Variants in CTNNA2 observed in about 807,000 individuals in gnomAD.
The protein encoded by CTNNA2 is catenin alpha-2.
CTNNA2 carries 42 observed loss-of-function variants against 101.0 expected under a neutral mutation model. The observed-to-expected ratio is 0.42, with a 90% confidence interval of 0.32 to 0.54. The LOEUF is 0.54. CTNNA2 is among the 20% of genes least tolerant of loss of function. CTNNA2 has a pLI of 0.14. For missense variants in CTNNA2, 871 were observed against 1,223.1 expected (o/e 0.71, Z 4.29); for synonymous variants, 450 against 456.4 (o/e 0.99, Z 0.18).
At chr2:80,162,554 C>G in intron 7 of CTNNA2, 2 of 1,608,086 alleles carry the variant, frequency 1.2e-6, no homozygotes, top group South Asian at 1.1e-5. Context: ...GAAATCATCT[C>G]TTTCCTCTGT....
chr2:79,215,674 G>A lies in CTNNA2; in HGVS notation c.-406+17598G>A, dbSNP rs111655706. Reference sequence around the variant, plus strand: ...ATATTTGATGAAAAAGAGCCTAAACGCTCTCTGATTTGGGATTAAAAAAAG... The same window carrying A: ...ATATTTGATGAAAAAGAGCCTAAACACTCTCTGATTTGGGATTAAAAAAAG... On this transcript the variant is annotated intron_variant, in intron 2 of 21. Coordinates refer to the CTNNA2 transcript ENST00000466387. Among the ~76,000 whole-genome samples, 228 of 152,218 alleles carry A rather than the reference G, an allele frequency of 1.5e-3. 1 individual carries two copies. Among genetic ancestry groups the A allele is most frequent in the African/African-American group, 4.8e-3 (199 of 41,530 alleles).
In CTNNA2 at chr2:79,334,159, C is replaced by A. The variant is rs143397226; in HGVS notation, c.-318+21363C>A. Among the ~76,000 whole-genome samples, 8 of 152,092 alleles carry A rather than the reference C, an allele frequency of 5.3e-5. 1 individual carries two copies. Among genetic ancestry groups the A allele is most frequent in the Admixed American group, 5.2e-4 (8 of 15,254 alleles). On this transcript the variant is annotated intron_variant, in intron 3 of 21. Transcript: ENST00000466387. ...ATTGCTAGTTATAGTCACTCTATAG[C>A]GCTGCAGAACACTAGAACTTATTTC...
intron 7 of CTNNA2, among the ~76,000 whole-genome samples, chr2:80,088,547 T>G (rs1558796094): frequency 6.6e-6 from 1 of 152,208 alleles, no homozygotes; most frequent in East Asian, 1.9e-4. Flanking sequence ...TATCTTTAAA[T>G]ATAAGCTATT....
intron 1 of CTNNA2, among the ~76,000 whole-genome samples, chr2:79,564,986 A>G (rs1414015173): frequency 2.0e-5 from 3 of 152,126 alleles, no homozygotes; most frequent in Non-Finnish European, 4.4e-5. Context: ...CCATAAGGGT[A>G]TGGACTTGCA....
intron 7 of CTNNA2, among the ~76,000 whole-genome samples, chr2:80,254,176 T>C (rs972968162): frequency 4.6e-5 from 7 of 152,150 alleles, no homozygotes; most frequent in African/African-American, 1.7e-4. Context: ...CATTACAATA[T>C]TGTATGTTAA....
intron 3 of CTNNA2, among the ~76,000 whole-genome samples, chr2:79,844,436 A>G (rs1680049867): frequency 6.6e-6 from 1 of 152,174 alleles, no homozygotes; most frequent in Admixed American, 6.5e-5. Context: ...GAAATAAATA[A>G]TTTTGTCCAA....
At chr2:79,733,828 T>C (rs1558881692) in intron 2 of CTNNA2, among the ~76,000 whole-genome samples, 1 of 152,072 alleles carries the variant, frequency 6.6e-6, no homozygotes. Flanking sequence ...CCACTAACCT[T>C]AAAGAAAGAA....
intron 7 of CTNNA2, among the ~76,000 whole-genome samples, chr2:79,947,702 G>A (rs552096819): frequency 1.3e-5 from 2 of 152,220 alleles, no homozygotes; most frequent in Admixed American, 1.3e-4. Flanking sequence ...AGGGAGATGA[G>A]GGTGTATTAA....
intron 7 of CTNNA2, among the ~76,000 whole-genome samples, chr2:80,294,470 CCCTG>C (rs1479615170): frequency 2.0e-5 from 3 of 151,436 alleles, no homozygotes; most frequent in Non-Finnish European, 4.4e-5. Context: ...CCCCATGGAG[CCCTG>C]ACCCCATGGA....
intron 7 of CTNNA2, among the ~76,000 whole-genome samples, chr2:80,297,463 A>G (rs1675848893): frequency 6.6e-6 from 1 of 152,144 alleles, no homozygotes; most frequent in Non-Finnish European, 1.5e-5. Context: ...TGCTCAGTAA[A>G]TTGTATTTCT....
At chr2:79,607,480 T>G (rs917253621) in intron 1 of CTNNA2, among the ~76,000 whole-genome samples, 1 of 152,076 alleles carries the variant, frequency 6.6e-6, no homozygotes, top group Non-Finnish European at 1.5e-5. Context: ...CAGGTAATTT[T>G]CCAAGATAGA....
intron 3 of CTNNA2, among the ~76,000 whole-genome samples, chr2:79,802,385 T>C (rs1676235189): frequency 6.6e-6 from 1 of 152,228 alleles, no homozygotes; most frequent in African/African-American, 2.4e-5. Flanking sequence ...AGTTCTGAAG[T>C]TGCCAAATGG....
chr2:79,239,807 G>C (rs1195254710), intron 2 of CTNNA2, among the ~76,000 whole-genome samples: 1 of 152,126 alleles, frequency 6.6e-6, no homozygotes, highest in Non-Finnish European at 1.5e-5. Flanking sequence ...ATCTGACAAA[G>C]GGCTAATATC....
At chr2:79,324,156 C>T (rs765001876) in intron 3 of CTNNA2, among the ~76,000 whole-genome samples, 22 of 152,236 alleles carry the variant, frequency 1.4e-4, no homozygotes, top group African/African-American at 2.4e-4. Context: ...AACATAATGA[C>T]GCTTGGATAG....
intron 3 of CTNNA2, among the ~76,000 whole-genome samples, chr2:79,347,639 A>G (rs1270551223): frequency 6.6e-6 from 1 of 152,124 alleles, no homozygotes; most frequent in Non-Finnish European, 1.5e-5. Flanking sequence ...TTGTACACCA[A>G]CCATTACATG....
chr2:80,611,147 A>G (rs138076187), intron 17 of CTNNA2, among the ~76,000 whole-genome samples: 5 of 151,812 alleles, frequency 3.3e-5, no homozygotes, highest in African/African-American at 1.2e-4. Context: ...AAAATATGAT[A>G]GAATTGTTAA....
chr2:80,628,543 T>C (rs1016529075), intron 18 of CTNNA2, among the ~76,000 whole-genome samples: 5 of 151,840 alleles, frequency 3.3e-5, no homozygotes, highest in Non-Finnish European at 5.9e-5. Flanking sequence ...AAAGCTGAAG[T>C]TGGATCCCTT....
intron 1 of CTNNA2, among the ~76,000 whole-genome samples, chr2:79,555,088 A>G (rs2104085741): frequency 6.6e-6 from 1 of 152,330 alleles, no homozygotes; most frequent in Non-Finnish European, 1.5e-5. Context: ...TCAAGAGTCT[A>G]GCACTCTTTT....
intron 2 of CTNNA2, among the ~76,000 whole-genome samples, chr2:79,212,494 G>A (rs977768963): frequency 2.0e-5 from 3 of 152,134 alleles, no homozygotes; most frequent in East Asian, 3.9e-4. Context: ...AGCTTGGTGA[G>A]GTGTGTTTTT....
Sources: allele counts gnomAD v4.1 joint callset (sites outside exome capture counted in the v4.1 genomes callset), GRCh38; gene constraint gnomAD v4.1.1; transcripts MANE v1.5; gene names NCBI Gene and HGNC (gene_info 2026-07-23, HGNC 2026-07-21).